Variants in XPO1 observed in about 807,000 individuals in gnomAD.
XPO1 encodes the protein exportin 1, also known as exportin-1.
A neutral mutation model predicts 133.3 loss-of-function variants in XPO1; 5 were observed. The ratio of observed to expected loss-of-function variants is 0.04; its 90% CI spans 0.02 to 0.08. The LOEUF (loss-of-function observed/expected upper bound fraction) is 0.08, where lower values mean the gene tolerates loss of function less well. XPO1 is among the 10% of genes least tolerant of loss of function. XPO1 has a pLI of 1.00. For missense variants in XPO1, 506 were observed against 1,267.5 expected, an observed-to-expected ratio of 0.40 and a Z score of 9.12; for synonymous variants, 419 against 408.2, an observed-to-expected ratio of 1.03 and a Z score of -0.32.
intron 11 of XPO1, chr2:61,494,403 CAG>C (rs1697139237): frequency 4.0e-6 from 1 of 253,156 alleles, no homozygotes; most frequent in African/African-American, 2.3e-5. Context: ...TGTACCATCA[CAG>C]AGGAGAGAAC....
chr2:61,497,075 A>G, intron 9 of XPO1, 68 bp from the exon 10 acceptor site: 2 of 1,536,058 alleles, frequency 1.3e-6, no homozygotes, highest in Non-Finnish European at 1.7e-6. Flanking sequence ...AAAATTCACA[A>G]TTAAAAGGAA....
At chr2:61,526,210 T>C in intron 3 of XPO1, 1 of 1,363,336 alleles carries the variant, frequency 7.3e-7, no homozygotes, top group Non-Finnish European at 9.4e-7. Context: ...AAAAGCCACC[T>C]TGCATACTAG....
intron 1 of XPO1, chr2:61,536,870 AGACATCG>A (rs1401113928): frequency 6.5e-6 from 1 of 152,808 alleles, no homozygotes; most frequent in African/African-American, 2.4e-5. Context: ...CCAAACTCAC[AGACATCG>A]GAATGAAGGA....
intron 6 of XPO1, among the ~76,000 whole-genome samples, chr2:61,501,583 C>G (rs1247214071): frequency 6.6e-6 from 1 of 151,740 alleles, no homozygotes; most frequent in East Asian, 1.9e-4. Flanking sequence ...ATTAGCCAAA[C>G]GTGGTGGTAA....
Position 61,515,677 on chromosome 2 carries a change from TC to T in XPO1, c.301+6933del, listed in dbSNP as rs558143833. Among the ~76,000 whole-genome samples the T allele has an allele frequency of 2.7e-3, 417 of 152,124 alleles. 1 individual carries two copies. The highest frequency in any genetic ancestry group is 9.4e-3 in the African/African-American group (390 of 41,500). ...ACGGTGCCAATAAATATACCACGTG[TC>T]TCACGTCAAAGGAGAGCACTAAATA... On this transcript the variant is annotated intron_variant, in intron 4 of 24. Coordinates refer to ENST00000401558, the MANE Select transcript of XPO1 (RefSeq NM_003400.4).
chr2:61,509,710 C>G (rs1391424251), intron 4 of XPO1, among the ~76,000 whole-genome samples: 1 of 152,130 alleles, frequency 6.6e-6, no homozygotes, highest in Non-Finnish European at 1.5e-5. Context: ...GCAAATATTC[C>G]AAAATCTGAA....
At chr2:61,482,357 CG>C (rs1221789116) in intron 23 of XPO1, 22 bp downstream of exon 23, 10 of 1,574,708 alleles carry the variant, frequency 6.4e-6, no homozygotes, top group African/African-American at 1.4e-5. Flanking sequence ...GAACATTCTA[CG>C]TTTATTAAAA....
chr2:61,516,142 A>C (rs1352331590), intron 4 of XPO1, among the ~76,000 whole-genome samples: 5 of 135,088 alleles, frequency 3.7e-5, no homozygotes, highest in African/African-American at 7.8e-5. Flanking sequence ...AAAAAAAAAC[A>C]AAACAAAACA....
intron 19 of XPO1, among the ~76,000 whole-genome samples, chr2:61,487,740 A>C (rs1398501562): frequency 1.3e-5 from 2 of 152,196 alleles, no homozygotes; most frequent in Non-Finnish European, 2.9e-5. Flanking sequence ...TCATTTAGGA[A>C]AAAGGGTGTA....
Position 61,492,884 on chromosome 2 carries a change from A to G in XPO1, c.1384+31T>C. The G allele has an allele frequency of 6.4e-7, 1 of 1,573,606 alleles. No homozygotes were observed. Among genetic ancestry groups the G allele is most frequent in the Non-Finnish European group, 8.6e-7 (1 of 1,162,074 alleles). On this transcript the variant is annotated intron_variant, in intron 13 of 24. Transcript: ENST00000401558. The surrounding 1 kb of genome is among the most constrained non-coding windows in gnomAD (Gnocchi z 5.6). ...TTTCCACCCCAGAATAGATTTATAAAGGTAAAGATTAACAGTATTTATTAA... is the reference window on the plus strand; with the variant it reads ...TTTCCACCCCAGAATAGATTTATAAGGGTAAAGATTAACAGTATTTATTAA...
chr2:61,508,171 G>A (rs937897251), intron 4 of XPO1, among the ~76,000 whole-genome samples: 22 of 152,186 alleles, frequency 1.4e-4, no homozygotes, highest in African/African-American at 5.3e-4. Context: ...AGACCAGCCT[G>A]GCCAACATAG....
chr2:61,519,470 G>C (rs1021564106), intron 4 of XPO1, among the ~76,000 whole-genome samples: 9 of 151,664 alleles, frequency 5.9e-5, no homozygotes, highest in African/African-American at 2.2e-4. Context: ...GGCCGAGGCG[G>C]GAGGACCAAA....
chr2:61,501,668 A>AG (rs1697527434), intron 6 of XPO1, among the ~76,000 whole-genome samples: 1 of 148,312 alleles, frequency 6.7e-6, no homozygotes, highest in Admixed American at 6.9e-5. Flanking sequence ...GGCTGCAGTG[A>AG]GCCGAGATCA....
intron 2 of XPO1, among the ~76,000 whole-genome samples, chr2:61,533,061 C>T (rs1699228153): frequency 6.6e-6 from 1 of 152,024 alleles, no homozygotes; most frequent in African/African-American, 2.4e-5. Context: ...TGCCTGTAAT[C>T]CCAGCTACCA....
intron 19 of XPO1, 24 bp downstream of exon 19, chr2:61,488,140 CA>C: frequency 3.7e-6 from 6 of 1,600,906 alleles, no homozygotes; most frequent in Non-Finnish European, 5.1e-6. Flanking sequence ...CACTAGAAAT[CA>C]AAAGCAAAGC....
intron 20 of XPO1, chr2:61,484,933 T>G (rs1242774185): frequency 6.6e-6 from 1 of 152,334 alleles, no homozygotes; most frequent in Non-Finnish European, 1.5e-5. Flanking sequence ...TGAGTAGAGA[T>G]GGGGTTTCAC....
chr2:61,490,928 G>T, intron 16 of XPO1, 152 bp from the exon 17 acceptor site: 1 of 952,782 alleles, frequency 1.0e-6, no homozygotes, highest in Non-Finnish European at 1.5e-6. Context: ...GCCAAGGCAG[G>T]CCAATCACTT....
chr2:61,512,702 A>G lies in XPO1; in HGVS notation c.301+9909T>C, dbSNP rs1252272476. Among the ~76,000 whole-genome samples the G allele has an allele frequency of 8.5e-5, 13 of 152,220 alleles. No homozygotes were observed. In the East Asian group the frequency reaches 2.3e-3, roughly 27 times the overall value. ...GAAATTTGCCAGATTTCACTCTAAA[A>G]TTTTTATGGAACAGCAAAAAACCAA... On this transcript the variant is annotated intron_variant, in intron 4 of 24. Transcript: ENST00000401558.
chr2:61,525,972 T>C (rs1361231844), intron 3 of XPO1: 7 of 1,057,272 alleles, frequency 6.6e-6, no homozygotes, highest in South Asian at 4.6e-5. Flanking sequence ...ACATTTTCCA[T>C]TGTAAATAAA....
Sources: allele counts gnomAD v4.1 joint callset (sites outside exome capture counted in the v4.1 genomes callset), GRCh38; gene constraint gnomAD v4.1.1; non-coding constraint Gnocchi (gnomAD v3.1); transcripts MANE v1.5; gene names NCBI Gene and HGNC (gene_info 2026-07-23, HGNC 2026-07-21).